The following NRXN1 variants were observed in gnomAD, a reference collection of about 807,000 sequenced individuals.
NRXN1 encodes the protein neurexin 1.
Under a neutral mutation model 150.9 loss-of-function variants are expected in NRXN1, and 39 were observed. The ratio of observed to expected loss-of-function variants is 0.26; its 90% CI spans 0.20 to 0.34. The LOEUF is 0.34. Ranked by LOEUF, NRXN1 falls within the 10% of genes least tolerant of loss-of-function variation. The pLI, the probability that NRXN1 is intolerant of heterozygous loss-of-function variation, is 1.00. For missense variants in NRXN1, 1,815 were observed against 1,949.9 expected, an observed-to-expected ratio of 0.93 and a Z score of 1.30; for synonymous variants, 924 against 757.0, an observed-to-expected ratio of 1.22 and a Z score of -3.62.
At chr2:50,844,384 G>T (rs1673325122) in intron 5 of NRXN1, among the ~76,000 whole-genome samples, 2 of 152,124 alleles carry the variant, frequency 1.3e-5, no homozygotes, top group African/African-American at 4.8e-5. Context: ...TCTACATTCT[G>T]TTCACTTATG....
intron 18 of NRXN1, among the ~76,000 whole-genome samples, chr2:50,236,451 TG>T (rs1227446231): frequency 3.3e-5 from 5 of 151,920 alleles, no homozygotes; most frequent in African/African-American, 1.2e-4. Context: ...TCCAGCCAGA[TG>T]GTGTGGTATC....
chr2:50,985,705 A>G (rs1697586371), intron 2 of NRXN1, among the ~76,000 whole-genome samples: 1 of 151,848 alleles, frequency 6.6e-6, no homozygotes. Context: ...AAAATACAGG[A>G]GAATTGAGAT....
chr2:50,824,044 T>C (rs912150593), intron 5 of NRXN1, among the ~76,000 whole-genome samples: 25 of 152,156 alleles, frequency 1.6e-4, no homozygotes, highest in African/African-American at 5.5e-4. Context: ...CTTTCTGTCA[T>C]AAAATCTGAT....
At chr2:50,248,858 C>T (rs528555898) in intron 17 of NRXN1, among the ~76,000 whole-genome samples, 7 of 152,070 alleles carry the variant, frequency 4.6e-5, no homozygotes, top group African/African-American at 1.7e-4. Flanking sequence ...AATTGGCATA[C>T]GTTTTGGGCT....
chr2:50,148,713 G>T (rs990122395), intron 18 of NRXN1, among the ~76,000 whole-genome samples: 9 of 151,724 alleles, frequency 5.9e-5, no homozygotes, highest in African/African-American at 2.2e-4. Flanking sequence ...TGTTCACACT[G>T]TCAGAGGATA....
chr2:50,812,448 G>C (rs910820735), intron 5 of NRXN1, among the ~76,000 whole-genome samples: 1 of 152,090 alleles, frequency 6.6e-6, no homozygotes, highest in Non-Finnish European at 1.5e-5. Context: ...CAAAGGCATA[G>C]AAAATTTGAG....
At chr2:50,155,210 T>A (rs926991501) in intron 18 of NRXN1, among the ~76,000 whole-genome samples, 2 of 151,690 alleles carry the variant, frequency 1.3e-5, no homozygotes, top group African/African-American at 2.4e-5. Flanking sequence ...GTTGAAAATG[T>A]AATTCCTTTC....
intron 5 of NRXN1, among the ~76,000 whole-genome samples, chr2:50,819,074 T>C (rs114698823): frequency 2.4e-3 from 366 of 152,176 alleles, no homozygotes; most frequent in African/African-American, 8.6e-3. Context: ...GCACTTTTGG[T>C]GAGAATGTAA....
At chr2:50,709,027 G>T (rs1347832588) in intron 5 of NRXN1, among the ~76,000 whole-genome samples, 1 of 152,122 alleles carries the variant, frequency 6.6e-6, no homozygotes, top group Non-Finnish European at 1.5e-5. Context: ...ACTGTCCTCT[G>T]TTCATGGCTT....
rs140179727 is a variant in NRXN1, at chr2:50,163,754, G to A, written c.3547-72260C>T. The stretch of plus-strand genomic sequence containing the variant: ...TCTTGACGTGTGTTAACATATACAC[G>A]TTTTGATCTACTCTTGAAGTAATTA... On this transcript the variant is annotated intron_variant, in intron 18 of 22. Transcript: ENST00000401669. 1.1e-4 allele frequency among the ~76,000 whole-genome samples: 17 copies of A among 152,160 alleles called. No homozygotes were observed. The East Asian group carries it at 2.5e-3, about 23-fold the overall frequency.
intron 5 of NRXN1, among the ~76,000 whole-genome samples, chr2:50,836,840 T>TAA (rs369557045): frequency 0.028 from 3,145 of 114,014 alleles, 71 homozygotes; most frequent in Non-Finnish European, 0.042. Flanking sequence ...ATCATAATTG[T>TAA]AAAAAAAAAA....
chr2:49,938,441 T>C (rs1181697751), intron 22 of NRXN1, among the ~76,000 whole-genome samples: 5 of 152,180 alleles, frequency 3.3e-5, no homozygotes, highest in African/African-American at 1.2e-4. Context: ...CAATCAACAG[T>C]TGTCTTTTGA....
intron 5 of NRXN1, among the ~76,000 whole-genome samples, chr2:50,641,620 T>A (rs944525392): frequency 6.6e-6 from 1 of 152,132 alleles, no homozygotes; most frequent in East Asian, 1.9e-4. Flanking sequence ...CTGTGGCCTC[T>A]TGGTGCTGTG....
intron 5 of NRXN1, among the ~76,000 whole-genome samples, chr2:50,647,127 C>G (rs1009967641): frequency 2.0e-5 from 3 of 151,628 alleles, no homozygotes; most frequent in Non-Finnish European, 4.4e-5. Context: ...CAAACTGTAT[C>G]TCTCAAACAC....
chr2:50,526,476 C>A (rs1005426428), intron 12 of NRXN1, among the ~76,000 whole-genome samples: 1 of 152,126 alleles, frequency 6.6e-6, no homozygotes, highest in African/African-American at 2.4e-5. Context: ...CATTAAACTG[C>A]AAGTTATACT....
chr2:50,439,667 A>T (rs1026546455), intron 17 of NRXN1, among the ~76,000 whole-genome samples: 2 of 151,974 alleles, frequency 1.3e-5, no homozygotes, highest in African/African-American at 4.8e-5. Flanking sequence ...AATACAAAAA[A>T]TTAGTCGGGC....
intron 5 of NRXN1, among the ~76,000 whole-genome samples, chr2:50,844,917 G>C (rs1447762137): frequency 6.6e-6 from 1 of 151,872 alleles, no homozygotes; most frequent in Non-Finnish European, 1.5e-5. Flanking sequence ...GCAGTGGCGT[G>C]ATCACAGTTC....
At chr2:50,055,885 A>C (rs1277701241) in intron 19 of NRXN1, among the ~76,000 whole-genome samples, 2 of 152,188 alleles carry the variant, frequency 1.3e-5, no homozygotes, top group Non-Finnish European at 2.9e-5. Flanking sequence ...AGTGGCCCCT[A>C]TTCATAGATC....
At chr2:50,944,927 G>T (rs1409803871) in intron 2 of NRXN1, among the ~76,000 whole-genome samples, 2 of 152,154 alleles carry the variant, frequency 1.3e-5, no homozygotes, top group Non-Finnish European at 2.9e-5. Flanking sequence ...TGGTACAAAT[G>T]CAGGTTTCTT....
Sources: allele counts gnomAD v4.1 joint callset (sites outside exome capture counted in the v4.1 genomes callset), GRCh38; gene constraint gnomAD v4.1.1; transcripts MANE v1.5; gene names NCBI Gene and HGNC (gene_info 2026-07-23, HGNC 2026-07-21).